The following DPYD variants were observed in gnomAD, a reference collection of about 807,000 sequenced individuals.
The protein encoded by DPYD is dihydropyrimidine dehydrogenase [NADP(+)].
In DPYD, 109 loss-of-function variants were observed where a neutral mutation model predicts 116.2. The observed-to-expected ratio is 0.94, with a 90% CI of 0.80 to 1.10. DPYD has a LOEUF of 1.10. Ranked by LOEUF, DPYD falls within the 50% of genes least tolerant of loss-of-function variation. DPYD has a pLI of 0.00. For missense variants in DPYD, 1,302 were observed against 1,254.5 expected, an observed-to-expected ratio of 1.04 and a Z score of -0.57; for synonymous variants, 440 against 432.0, an observed-to-expected ratio of 1.02 and a Z score of -0.23.
intron 20 of DPYD, among the ~76,000 whole-genome samples, chr1:97,177,006 T>G (rs1172486395): frequency 6.6e-6 from 1 of 152,074 alleles, no homozygotes; most frequent in Non-Finnish European, 1.5e-5. Flanking sequence ...AGAGTATTTT[T>G]CCCACTCCTA....
intron 16 of DPYD, among the ~76,000 whole-genome samples, chr1:97,353,872 G>A (rs968683510): frequency 6.6e-6 from 1 of 152,162 alleles, no homozygotes; most frequent in Admixed American, 6.5e-5. Context: ...GATAAAGCCA[G>A]GGATTACTTC....
chr1:97,854,872 G>A lies in DPYD; in HGVS notation c.151-26676C>T, dbSNP rs117983815. On this transcript the variant is annotated intron_variant, in intron 2 of 22. Coordinates refer to ENST00000370192, the MANE Select transcript of DPYD (RefSeq NM_000110.4). ...CAGAACGAAAAGTTTATTAAGAGAA[G>A]GAGGAGCACTGGCCAAGCCTAGGAG... 8.5e-4 allele frequency among the ~76,000 whole-genome samples: 129 copies of A among 152,274 alleles called. 2 individuals are homozygous for A. The East Asian group carries it at 0.024, about 28-fold the overall frequency.
rs145690650 is a variant in DPYD at position 97,118,619 on chromosome 1, A to G, written c.2623-19987T>C. Among the ~76,000 whole-genome samples, 657 of 152,284 alleles carry G rather than the reference A, an allele frequency of 4.3e-3. 5 individuals are homozygous for G. Among genetic ancestry groups the G allele is most frequent in the African/African-American group, 0.015 (630 of 41,566 alleles). On this transcript the variant is annotated intron_variant, in intron 20 of 22. Coordinates refer to ENST00000370192, the MANE Select transcript of DPYD (RefSeq NM_000110.4). Reference sequence around the variant, plus strand: ...CCCATTGAAGAGTACTGAACGTGGAATCAATACTCAATAAGGAGATTCAGG... The same window carrying G: ...CCCATTGAAGAGTACTGAACGTGGAGTCAATACTCAATAAGGAGATTCAGG...
chr1:97,497,373 T>C (rs962445270), intron 13 of DPYD, among the ~76,000 whole-genome samples: 3 of 151,920 alleles, frequency 2.0e-5, no homozygotes, highest in African/African-American at 7.2e-5. Flanking sequence ...GGAAGTTGCC[T>C]GTAACTCCAA....
At chr1:97,450,569 C>A (rs1676359587) in intron 13 of DPYD, among the ~76,000 whole-genome samples, 1 of 151,770 alleles carries the variant, frequency 6.6e-6, no homozygotes, top group Non-Finnish European at 1.5e-5. Context: ...AAAAGTTTAT[C>A]ATTTCTGTCT....
intron 2 of DPYD, among the ~76,000 whole-genome samples, chr1:97,873,117 G>A (rs1255046620): frequency 1.3e-5 from 2 of 151,872 alleles, no homozygotes; most frequent in African/African-American, 2.4e-5. Flanking sequence ...GTGAAATGAG[G>A]TTAACACCTG....
At chr1:97,693,232 A>G (rs1661113032) in intron 6 of DPYD, among the ~76,000 whole-genome samples, 1 of 138,858 alleles carries the variant, frequency 7.2e-6, no homozygotes, top group Non-Finnish European at 1.5e-5. Context: ...TGGAGCTTGC[A>G]GTGAGCCAAG....
chr1:97,486,006 A>AAG (rs1220645607), intron 13 of DPYD, among the ~76,000 whole-genome samples: 1 of 152,236 alleles, frequency 6.6e-6, no homozygotes, highest in East Asian at 1.9e-4. Flanking sequence ...ATGAAGTATG[A>AAG]TAAAACTACT....
At chr1:97,206,798 T>C (rs1191382841) in intron 19 of DPYD, among the ~76,000 whole-genome samples, 3 of 150,408 alleles carry the variant, frequency 2.0e-5, no homozygotes, top group Admixed American at 6.7e-5. Flanking sequence ...TACACATACA[T>C]ATACACACAA....
intron 11 of DPYD, among the ~76,000 whole-genome samples, chr1:97,555,383 C>A (rs1003640148): frequency 6.6e-5 from 10 of 152,224 alleles, no homozygotes; most frequent in African/African-American, 2.4e-4. Flanking sequence ...TCCTTTTATT[C>A]TGGAACTTCT....
In DPYD at chr1:97,603,699, T is replaced by C. The variant is rs138502409; in HGVS notation, c.851-8533A>G. Among the ~76,000 whole-genome samples the C allele has an allele frequency of 9.5e-3, 1,443 of 152,274 alleles. 9 individuals are homozygous for C. Among genetic ancestry groups the C allele is most frequent in the Non-Finnish European group, 0.016 (1,059 of 68,010 alleles). Reference sequence around the variant, plus strand: ...GAAGGCGTTTTTAAAAATTGTACTTTTACATTTTTTACTCAAGTAAATTCT... The same window carrying C: ...GAAGGCGTTTTTAAAAATTGTACTTCTACATTTTTTACTCAAGTAAATTCT... On this transcript the variant is annotated intron_variant, in intron 8 of 22. Coordinates refer to ENST00000370192, the MANE Select transcript of DPYD (RefSeq NM_000110.4).
intron 18 of DPYD, among the ~76,000 whole-genome samples, chr1:97,256,806 G>T (rs1180383181): frequency 6.6e-6 from 1 of 152,004 alleles, no homozygotes; most frequent in African/African-American, 2.4e-5. Context: ...ATTAAGTGTG[G>T]ATTGCTTAAA....
chr1:97,526,017 T>TGTGTGTGTG (rs1649061763), intron 12 of DPYD, among the ~76,000 whole-genome samples: 1 of 93,402 alleles, frequency 1.1e-5, no homozygotes, highest in South Asian at 3.8e-4. Context: ...GTGTGTGTGT[T>TGTGTGTGTG]TCTATAATTC....
chr1:97,445,566 C>A (rs1397837598), intron 14 of DPYD, among the ~76,000 whole-genome samples: 4 of 152,090 alleles, frequency 2.6e-5, no homozygotes, highest in Admixed American at 1.3e-4. Context: ...CTCCTATAAC[C>A]TAGTATGTAT....
chr1:97,615,816 C>T (rs1162605164), intron 8 of DPYD, among the ~76,000 whole-genome samples: 1 of 152,134 alleles, frequency 6.6e-6, no homozygotes, highest in Non-Finnish European at 1.5e-5. Context: ...CCCCCAACCC[C>T]TTCAGCAATT....
intron 13 of DPYD, among the ~76,000 whole-genome samples, chr1:97,464,437 A>G (rs2101832514): frequency 6.6e-6 from 1 of 152,302 alleles, no homozygotes. Flanking sequence ...AGGGCATGTC[A>G]GAGACCTATG....
intron 13 of DPYD, among the ~76,000 whole-genome samples, chr1:97,470,041 T>C (rs920135898): frequency 6.6e-6 from 1 of 152,194 alleles, no homozygotes; most frequent in Non-Finnish European, 1.5e-5. Context: ...TGTGTTGATG[T>C]TATTGAGAGG....
intron 11 of DPYD, among the ~76,000 whole-genome samples, chr1:97,566,441 T>C (rs1261624182): frequency 6.6e-6 from 1 of 152,168 alleles, no homozygotes; most frequent in African/African-American, 2.4e-5. Flanking sequence ...TCCAGTGTAT[T>C]ATACCGGACT....
chr1:97,138,748 T>G (rs1653989285), intron 20 of DPYD, among the ~76,000 whole-genome samples: 1 of 152,176 alleles, frequency 6.6e-6, no homozygotes, highest in South Asian at 2.1e-4. Context: ...AGAAGCTTAG[T>G]TAATTGGGAG....
Sources: allele counts gnomAD v4.1 joint callset (sites outside exome capture counted in the v4.1 genomes callset), GRCh38; gene constraint gnomAD v4.1.1; transcripts MANE v1.5; gene names NCBI Gene and HGNC (gene_info 2026-07-23, HGNC 2026-07-21).